Variants in GRIA1 observed in about 807,000 individuals in gnomAD.
The protein encoded by GRIA1 is glutamate ionotropic receptor AMPA type subunit 1.
Under a neutral mutation model 99.2 loss-of-function variants are expected in GRIA1, and 31 were observed. The ratio of observed to expected loss-of-function variants is 0.31; its 90% CI spans 0.23 to 0.42. The LOEUF is 0.42. Among genes scored for constraint, GRIA1 ranks in the 10% least tolerant of loss-of-function variants. The pLI, the probability that GRIA1 is intolerant of heterozygous loss-of-function variation, is 1.00. For synonymous variants in GRIA1, 438 were observed against 432.4 expected (o/e 1.01, Z -0.16); for missense variants, 782 against 1,157.5 (o/e 0.68, Z 4.71).
intron 6 of GRIA1, 47 bp downstream of exon 6, chr5:153,674,708 G>T (rs751888765): frequency 6.3e-7 from 1 of 1,583,638 alleles, no homozygotes; most frequent in Non-Finnish European, 8.6e-7. Context: ...TGGTCCCTTT[G>T]CCTGCCCCAG....
chr5:153,541,928 C>CAAAAAA (rs57442019), intron 2 of GRIA1, among the ~76,000 whole-genome samples: 6 of 97,428 alleles, frequency 6.2e-5, no homozygotes, highest in Non-Finnish European at 1.0e-4. Flanking sequence ...GATCCTGTTT[C>CAAAAAA]AAAAAAAAAA....
At chr5:153,676,920 C>G (rs1756628640) in intron 6 of GRIA1, 74 bp from the exon 7 acceptor site, 5 of 1,241,194 alleles carry the variant, frequency 4.0e-6, no homozygotes, top group Non-Finnish European at 4.2e-6. Context: ...AAAACACATT[C>G]CCAAATACAG....
chr5:153,710,746 G>A (rs943810033), intron 11 of GRIA1, among the ~76,000 whole-genome samples: 4 of 152,204 alleles, frequency 2.6e-5, no homozygotes, highest in African/African-American at 7.2e-5. Flanking sequence ...ATATATTGGT[G>A]ATGGAGTGTG....
At chr5:153,576,964 GGATGGA>G (rs1444743471) in intron 2 of GRIA1, among the ~76,000 whole-genome samples, 2 of 145,782 alleles carry the variant, frequency 1.4e-5, no homozygotes, top group African/African-American at 4.9e-5. Flanking sequence ...ATGGATGGAT[GGATGGA>G]TGGATGGATG....
chr5:153,801,060 A>G (rs1377780966), intron 14 of GRIA1, among the ~76,000 whole-genome samples: 1 of 152,278 alleles, frequency 6.6e-6, no homozygotes, highest in Admixed American at 6.5e-5. Flanking sequence ...TAGAGCTGCC[A>G]TGACATCTAG....
chr5:153,638,706 A>G (rs1561716235), intron 2 of GRIA1, among the ~76,000 whole-genome samples: 1 of 152,248 alleles, frequency 6.6e-6, no homozygotes, highest in Non-Finnish European at 1.5e-5. Flanking sequence ...GGGCTTCCTC[A>G]TATCCTTCCA....
intron 11 of GRIA1, among the ~76,000 whole-genome samples, chr5:153,722,842 C>A (rs1338347331): frequency 6.6e-6 from 1 of 152,152 alleles, no homozygotes; most frequent in Admixed American, 6.5e-5. Flanking sequence ...CTGTGAGATA[C>A]TATGATTCTG....
At chr5:153,682,947 T>C (rs1684347372) in intron 7 of GRIA1, among the ~76,000 whole-genome samples, 1 of 152,252 alleles carries the variant, frequency 6.6e-6, no homozygotes, top group Non-Finnish European at 1.5e-5. Flanking sequence ...GACTCTGAGC[T>C]GGCACCCAGT....
intron 2 of GRIA1, among the ~76,000 whole-genome samples, chr5:153,520,529 G>A (rs1348420000): frequency 2.0e-5 from 3 of 152,196 alleles, no homozygotes; most frequent in East Asian, 1.9e-4. Flanking sequence ...TGCAATAAAT[G>A]AGGACATCAT....
intron 11 of GRIA1, among the ~76,000 whole-genome samples, chr5:153,745,374 G>A (rs1486482089): frequency 6.6e-6 from 1 of 151,890 alleles, no homozygotes; most frequent in African/African-American, 2.4e-5. Flanking sequence ...GGTCACCTGA[G>A]GTCAGGAGTT....
intron 2 of GRIA1, among the ~76,000 whole-genome samples, chr5:153,550,530 T>C (rs1212865598): frequency 6.6e-6 from 1 of 152,154 alleles, no homozygotes; most frequent in Non-Finnish European, 1.5e-5. Flanking sequence ...CCTATTCTAA[T>C]AGGTACAATT....
At position 153,654,545 on chromosome 5, in the gene GRIA1, A is replaced by G. The variant is rs183281876; in HGVS notation, c.646-1274A>G. On this transcript the variant is annotated intron_variant, in intron 4 of 15. Transcript: ENST00000285900. ...AATTATTAATAAAACTATCATCCCA[A>G]TAGTATTTGAGCTCCGTGGTCTGGA... is the stretch of plus-strand genomic sequence containing the variant. Among the ~76,000 whole-genome samples the G allele has an allele frequency of 2.0e-5, 3 of 152,278 alleles. No individual in the cohort carries two copies. The East Asian group carries it at 5.8e-4, about 29-fold the overall frequency.
At chr5:153,662,919 C>T (rs1482486724) in intron 5 of GRIA1, among the ~76,000 whole-genome samples, 1 of 152,178 alleles carries the variant, frequency 6.6e-6, no homozygotes, top group Non-Finnish European at 1.5e-5. Context: ...AAGCTTATTC[C>T]AGTTTCCTCT....
intron 13 of GRIA1, among the ~76,000 whole-genome samples, chr5:153,777,525 G>T (rs888528448): frequency 1.3e-5 from 2 of 152,134 alleles, no homozygotes; most frequent in African/African-American, 4.8e-5. Context: ...GAAATAGCAT[G>T]AAGTGCCCAT....
chr5:153,633,523 T>G (rs573124544), intron 2 of GRIA1, among the ~76,000 whole-genome samples: 6,773 of 152,260 alleles, frequency 0.044, 172 homozygotes, highest in Non-Finnish European at 0.056. Flanking sequence ...GCAGCTGAGC[T>G]TTTGCTAAAG....
At chr5:153,715,582 G>A (rs1215335840) in intron 11 of GRIA1, among the ~76,000 whole-genome samples, 1 of 152,086 alleles carries the variant, frequency 6.6e-6, no homozygotes, top group African/African-American at 2.4e-5. Context: ...ATATTTTGAG[G>A]ATTAAATGAT....
intron 2 of GRIA1, among the ~76,000 whole-genome samples, chr5:153,593,831 C>G (rs1412365354): frequency 6.6e-6 from 1 of 152,174 alleles, no homozygotes; most frequent in African/African-American, 2.4e-5. Context: ...CTCCTATTCT[C>G]TATATCTCAT....
chr5:153,546,007 C>A (rs1323354472), intron 2 of GRIA1, among the ~76,000 whole-genome samples: 3 of 152,180 alleles, frequency 2.0e-5, no homozygotes, highest in Non-Finnish European at 2.9e-5. Flanking sequence ...TGAGGGCCAA[C>A]AATTCTTTTC....
intron 2 of GRIA1, among the ~76,000 whole-genome samples, chr5:153,628,306 G>C (rs144121060): frequency 6.6e-6 from 1 of 152,164 alleles, no homozygotes; most frequent in Non-Finnish European, 1.5e-5. Flanking sequence ...GCCTGTGCTT[G>C]CTTTTCCGAA....
Sources: gnomAD v4.1 joint callset for allele counts (sites outside exome capture counted in the v4.1 genomes callset) on GRCh38, gnomAD v4.1.1 for gene constraint, MANE v1.5 for transcripts, NCBI Gene and HGNC (gene_info 2026-07-23, HGNC 2026-07-21) for gene names.